The following PTPN2 variants were observed in gnomAD, a reference collection of about 807,000 sequenced individuals.
PTPN2 encodes protein tyrosine phosphatase non-receptor type 2, also known as tyrosine-protein phosphatase non-receptor type 2.
Under a neutral mutation model 57.3 loss-of-function variants are expected in PTPN2, and 19 were observed. That is an observed-to-expected ratio of 0.33 (90% confidence interval 0.23 to 0.49). PTPN2 has a LOEUF of 0.49. Ranked by LOEUF, PTPN2 falls within the 20% of genes least tolerant of loss-of-function variation. The probability of loss-of-function intolerance (pLI) is 0.99; values close to 1 mark genes in which losing one functional copy is unlikely to be tolerated. For missense variants in PTPN2, 358 were observed against 501.1 expected (o/e 0.71, Z 2.73); for synonymous variants, 153 against 164.9 (o/e 0.93, Z 0.55).
At chr18:12,786,811 T>C (rs999446866) in intron 9 of PTPN2, 3 of 152,218 alleles carry the variant, frequency 2.0e-5, no homozygotes, top group Non-Finnish European at 4.4e-5. Flanking sequence ...ACCAAGCACC[T>C]TGGTGTTCTG....
chr18:12,866,763 C>T (rs547520791), intron 1 of PTPN2, among the ~76,000 whole-genome samples: 7 of 152,170 alleles, frequency 4.6e-5, no homozygotes, highest in African/African-American at 1.7e-4. Flanking sequence ...AATCCCAGCA[C>T]TTTGGGAGGC....
rs73404477 is a variant in PTPN2, at chr18:12,852,377, G to A, written c.160+6787C>T. 9.0e-3 allele frequency among the ~76,000 whole-genome samples: 1,364 copies of A among 152,222 alleles called. 26 individuals carry two copies. Among genetic ancestry groups the A allele is most frequent in the African/African-American group, 0.032 (1,319 of 41,530 alleles). On this transcript the variant is annotated intron_variant, in intron 2 of 8. Coordinates refer to ENST00000309660, the MANE Select transcript of PTPN2 (RefSeq NM_002828.4). Reference sequence around the variant, plus strand: ...TGGTAGTCTCTAATAGTATAAAGACGTTTCCCAAAGTAACCATTACAAGCT... The same window carrying A: ...TGGTAGTCTCTAATAGTATAAAGACATTTCCCAAAGTAACCATTACAAGCT...
intron 5 of PTPN2, among the ~76,000 whole-genome samples, chr18:12,818,515 A>C (rs539489379): frequency 4.7e-4 from 72 of 152,294 alleles, no homozygotes; most frequent in African/African-American, 1.7e-3. Flanking sequence ...TTTCTAACTC[A>C]TTATGAAAAT....
chr18:12,804,485 G>T (rs936993092), intron 7 of PTPN2, among the ~76,000 whole-genome samples: 1 of 148,272 alleles, frequency 6.7e-6, no homozygotes, highest in Non-Finnish European at 1.5e-5. Flanking sequence ...TTTTGAAAAG[G>T]CAAACAAAAT....
At chr18:12,800,363 G>C (rs1217884888) in intron 8 of PTPN2, among the ~76,000 whole-genome samples, 1 of 151,946 alleles carries the variant, frequency 6.6e-6, no homozygotes, top group East Asian at 1.9e-4. Context: ...TAGATAAAAG[G>C]GGGGAAAAAG....
intron 3 of PTPN2, among the ~76,000 whole-genome samples, chr18:12,835,758 T>C (rs1174725061): frequency 2.0e-5 from 3 of 152,316 alleles, no homozygotes; most frequent in African/African-American, 4.8e-5. Context: ...CTGAGTATTA[T>C]ACACTTTGAA....
chr18:12,882,446 T>C (rs1341174339), intron 1 of PTPN2, among the ~76,000 whole-genome samples: 1 of 152,252 alleles, frequency 6.6e-6, no homozygotes, highest in Admixed American at 6.5e-5. Flanking sequence ...AGGATATTAA[T>C]GATACCAAAG....
At chr18:12,786,870 G>A (rs1405462771) in intron 9 of PTPN2, 2 of 152,110 alleles carry the variant, frequency 1.3e-5, no homozygotes, top group Non-Finnish European at 2.9e-5. Flanking sequence ...GAAATGTCAA[G>A]TCATCAAGAA....
intron 4 of PTPN2, among the ~76,000 whole-genome samples, chr18:12,829,029 C>G (rs1055088127): frequency 6.6e-6 from 1 of 152,172 alleles, no homozygotes; most frequent in African/African-American, 2.4e-5. Flanking sequence ...CCCCAGGTAG[C>G]TGGGACTACA....
chr18:12,842,643 A>C (rs187048123), intron 2 of PTPN2, among the ~76,000 whole-genome samples: 2 of 152,310 alleles, frequency 1.3e-5, no homozygotes, highest in Non-Finnish European at 2.9e-5. Flanking sequence ...AGGGACATGA[A>C]GAATGTGGCT....
downstream of PTPN2, among the ~76,000 whole-genome samples, chr18:12,789,860 A>ATGTG (rs1555655091): frequency 0.02 from 2,158 of 105,586 alleles, 19 homozygotes; most frequent in Admixed American, 0.056. Context: ...ATCTCTCTGT[A>ATGTG]TGTGTGTGTG....
At chr18:12,882,330 TAGA>T (rs2044691506) in intron 1 of PTPN2, among the ~76,000 whole-genome samples, 1 of 152,246 alleles carries the variant, frequency 6.6e-6, no homozygotes, top group Non-Finnish European at 1.5e-5. Flanking sequence ...TAAGAATCTA[TAGA>T]AGGATTTCCT....
chr18:12,792,553 T>A lies in PTPN2; in HGVS notation c.*1725A>T, dbSNP rs951197584. The A allele has an allele frequency of 6.5e-6, 1 of 152,672 alleles. No individual in the cohort carries two copies. Among genetic ancestry groups the A allele is most frequent in the African/African-American group, 2.4e-5 (1 of 41,430 alleles). The allele number at this position is 152,672 out of a possible 1,614,324, so 9.5% of individuals were successfully genotyped here. A position where few individuals can be genotyped will look rare whatever the true frequency, so the allele number is the denominator to read the frequency against. On this transcript the variant is annotated 3_prime_UTR_variant, in exon 9 of 9. Transcript: ENST00000309660. ...GCCTTGGCCTTCCGAAGTGCTGGGA[T>A]TACAAGCGTGAGCCACCACACCCGG...
At chr18:12,825,213 T>A (rs189264166) in intron 5 of PTPN2, among the ~76,000 whole-genome samples, 12 of 152,296 alleles carry the variant, frequency 7.9e-5, no homozygotes, top group South Asian at 2.1e-4. Context: ...CATATATATA[T>A]AAAACACCAT....
intron 1 of PTPN2, chr18:12,864,012 G>C (rs144840020): frequency 7.9e-5 from 12 of 152,248 alleles, no homozygotes; most frequent in African/African-American, 2.9e-4. Context: ...ACAAAGAAAA[G>C]ACTGGTTGAA....
At chr18:12,788,274 G>A (rs918784546), downstream of PTPN2, 4 of 152,288 alleles carry the variant, frequency 2.6e-5, no homozygotes, top group Admixed American at 6.6e-5. Context: ...ACTGTATAAC[G>A]TAAAACCAGA....
At chr18:12,835,437 A>G (rs997236228) in intron 3 of PTPN2, among the ~76,000 whole-genome samples, 2 of 121,708 alleles carry the variant, frequency 1.6e-5, no homozygotes, top group Non-Finnish European at 3.2e-5. Context: ...GTGCAGTGGC[A>G]CTATCTTGCC....
intron 5 of PTPN2, chr18:12,819,173 T>C (rs1263929735): frequency 1.1e-6 from 1 of 936,488 alleles, no homozygotes; most frequent in Non-Finnish European, 1.6e-6. Context: ...GGTATAATAC[T>C]AATAAAATAC....
Position 12,819,238 on chromosome 18 carries a change from C to A in PTPN2, c.496-1873G>T, listed in dbSNP as rs941569231. ...CTTTTAGTGACCTTTTAACATCCAG[C>A]ATTAATAATTTCAAATACAGTGTGA... On this transcript the variant is annotated intron_variant, in intron 5 of 8. Coordinates refer to ENST00000309660, the MANE Select transcript of PTPN2 (RefSeq NM_002828.4). The A allele has an allele frequency of 3.4e-5, 49 of 1,453,268 alleles. No individual in the cohort carries two copies. In the African/African-American group the frequency reaches 6.5e-4, roughly 19 times the overall value. 90.0% of individuals were successfully genotyped at this position (1,453,268 alleles called of 1,614,324 possible).
Sources: allele counts gnomAD v4.1 joint callset (sites outside exome capture counted in the v4.1 genomes callset), GRCh38; gene constraint gnomAD v4.1.1; transcripts MANE v1.5; gene names NCBI Gene and HGNC (gene_info 2026-07-23, HGNC 2026-07-21).